Variants in PCDH15 observed in about 807,000 individuals in gnomAD.
PCDH15 encodes the protein protocadherin related 15, also known as protocadherin-15.
In PCDH15, 129 loss-of-function variants were observed where a neutral mutation model predicts 178.5. The ratio of observed to expected loss-of-function variants is 0.72; its 90% CI spans 0.63 to 0.84. The LOEUF is 0.84. Ranked by LOEUF, PCDH15 falls within the 40% of genes least tolerant of loss-of-function variation. The pLI, the probability that PCDH15 is intolerant of heterozygous loss-of-function variation, is 0.00. For missense variants in PCDH15, 2,230 were observed against 2,099.9 expected, an observed-to-expected ratio of 1.06 and a Z score of -1.21; for synonymous variants, 800 against 732.0, an observed-to-expected ratio of 1.09 and a Z score of -1.50.
intron 2 of PCDH15, among the ~76,000 whole-genome samples, chr10:55,079,052 C>A (rs1459536571): frequency 6.6e-6 from 1 of 152,032 alleles, no homozygotes; most frequent in Non-Finnish European, 1.5e-5. Flanking sequence ...TCTCACTGAG[C>A]TTCTTTAAAA....
At chr10:53,837,752 C>A (rs953672624) in intron 29 of PCDH15, among the ~76,000 whole-genome samples, 3 of 149,360 alleles carry the variant, frequency 2.0e-5, no homozygotes, top group African/African-American at 4.9e-5. Context: ...CCTTGGAAAA[C>A]ACACACACAC....
At chr10:54,378,566 T>G (rs985971787) in intron 4 of PCDH15, among the ~76,000 whole-genome samples, 1 of 152,084 alleles carries the variant, frequency 6.6e-6, no homozygotes, top group East Asian at 1.9e-4. Context: ...ATTGACAAGC[T>G]TCCAGGATAT....
intron 29 of PCDH15, among the ~76,000 whole-genome samples, chr10:53,839,452 G>A (rs2077508909): frequency 6.6e-6 from 1 of 151,788 alleles, no homozygotes; most frequent in South Asian, 2.1e-4. Flanking sequence ...ATGTGTATAT[G>A]GATATGTTTA....
intron 1 of PCDH15, among the ~76,000 whole-genome samples, chr10:55,236,522 C>A (rs1212978077): frequency 6.6e-6 from 1 of 151,988 alleles, no homozygotes; most frequent in Non-Finnish European, 1.5e-5. Context: ...AAATATTGAG[C>A]AATTTGTGCC....
At position 54,899,122 on chromosome 10, in the gene PCDH15, A is replaced by C. The variant is rs139652744; in HGVS notation, c.-79-1622T>G. The stretch of plus-strand genomic sequence containing the variant: ...CACGAAAAGAAATTCAGCTGTATGA[A>C]GTTCCTGTAAATAATTCACTTGCTG... On this transcript the variant is annotated intron_variant, in intron 2 of 5. Coordinates refer to the PCDH15 transcript ENST00000458638. Among the ~76,000 whole-genome samples the C allele has an allele frequency of 8.8e-3, 1,339 of 152,314 alleles. 15 individuals carry two copies. Among genetic ancestry groups the C allele is most frequent in the African/African-American group, 0.03 (1,248 of 41,582 alleles).
At chr10:53,817,045 T>C (rs1474241507) in intron 34 of PCDH15, among the ~76,000 whole-genome samples, 1 of 152,204 alleles carries the variant, frequency 6.6e-6, no homozygotes, top group Non-Finnish European at 1.5e-5. Flanking sequence ...AACTAAGTAT[T>C]GGAAAAGTGG....
intron 1 of PCDH15, among the ~76,000 whole-genome samples, chr10:55,194,634 T>G (rs929659430): frequency 6.6e-6 from 1 of 152,022 alleles, no homozygotes; most frequent in East Asian, 1.9e-4. Flanking sequence ...ATTATTGTAA[T>G]GGAGGAATAA....
At chr10:54,627,621 G>A (rs150289940) in intron 2 of PCDH15, among the ~76,000 whole-genome samples, 4,879 of 152,246 alleles carry the variant, frequency 0.032, 235 homozygotes, top group African/African-American at 0.11. Context: ...TCTTGGGTAT[G>A]TCTTTATCAG....
chr10:55,027,798 A>G (rs1840512857), intron 2 of PCDH15, among the ~76,000 whole-genome samples: 1 of 151,902 alleles, frequency 6.6e-6, no homozygotes, highest in Non-Finnish European at 1.5e-5. Context: ...TAGCACGTGT[A>G]TCATCCAAGT....
At chr10:54,663,610 T>G (rs1555134694) in intron 2 of PCDH15, among the ~76,000 whole-genome samples, 1 of 151,146 alleles carries the variant, frequency 6.6e-6, no homozygotes, top group Non-Finnish European at 1.5e-5. Flanking sequence ...ATGACTGACT[T>G]ACTGTTAGGG....
intron 18 of PCDH15, among the ~76,000 whole-genome samples, chr10:54,056,493 T>C (rs1028723669): frequency 1.3e-5 from 2 of 152,120 alleles, no homozygotes; most frequent in Non-Finnish European, 2.9e-5. Flanking sequence ...GCAGGGGATC[T>C]CCCATTTATA....
At chr10:54,037,522 T>G (rs995302363) in intron 18 of PCDH15, among the ~76,000 whole-genome samples, 3 of 146,208 alleles carry the variant, frequency 2.1e-5, no homozygotes, top group Non-Finnish European at 4.6e-5. Flanking sequence ...ACACTTTAAT[T>G]AAGGTATGGA....
At chr10:53,863,861 A>G (rs1589145535) in intron 27 of PCDH15, among the ~76,000 whole-genome samples, 2 of 152,194 alleles carry the variant, frequency 1.3e-5, no homozygotes, top group Admixed American at 1.3e-4. Flanking sequence ...GGAGCCAGAA[A>G]GAAGGCAAAG....
chr10:55,311,262 ATTTACGCT>A (rs1385285084), intron 1 of PCDH15, among the ~76,000 whole-genome samples: 1 of 152,136 alleles, frequency 6.6e-6, no homozygotes, highest in Non-Finnish European at 1.5e-5. Context: ...GGGACAGCTT[ATTTACGCT>A]TTTATCTCAT....
At chr10:55,331,342 A>T (rs933037687) in intron 2 of PCDH15, among the ~76,000 whole-genome samples, 1 of 152,010 alleles carries the variant, frequency 6.6e-6, no homozygotes, top group African/African-American at 2.4e-5. Flanking sequence ...TAATCTTTAT[A>T]TATACTTTGG....
chr10:54,328,757 C>A (rs1025440004), intron 7 of PCDH15, among the ~76,000 whole-genome samples: 3 of 151,730 alleles, frequency 2.0e-5, no homozygotes, highest in South Asian at 2.1e-4. Flanking sequence ...TACCTCCCAG[C>A]TGATAAGGCA....
intron 18 of PCDH15, among the ~76,000 whole-genome samples, chr10:54,028,329 C>T (rs980145269): frequency 3.2e-3 from 479 of 149,040 alleles, no homozygotes; most frequent in African/African-American, 0.011. Context: ...AACACTTTTA[C>T]ACTGTTGGTG....
chr10:53,919,436 G>T (rs1285700496), intron 25 of PCDH15, among the ~76,000 whole-genome samples: 2 of 152,172 alleles, frequency 1.3e-5, no homozygotes, highest in East Asian at 1.9e-4. Context: ...CTGACAGAAA[G>T]CTTTAATGGT....
chr10:55,616,552 T>C (rs1247884968), intron 2 of PCDH15, among the ~76,000 whole-genome samples: 1 of 151,272 alleles, frequency 6.6e-6, no homozygotes, highest in Non-Finnish European at 1.5e-5. Context: ...CTCTGAGTGA[T>C]ACAGAAATTT....
Sources: allele counts gnomAD v4.1 joint callset (sites outside exome capture counted in the v4.1 genomes callset), GRCh38; gene constraint gnomAD v4.1.1; transcripts MANE v1.5; gene names NCBI Gene and HGNC (gene_info 2026-07-23, HGNC 2026-07-21).